EYS: variants seen among roughly 807,000 people sequenced by gnomAD.
EYS encodes the protein EGF-like photoreceptor maintenance factor.
In EYS, 250 loss-of-function variants were observed where a neutral mutation model predicts 282.1. The ratio of observed to expected loss-of-function variants is 0.89; its 90% confidence interval spans 0.80 to 0.98. The LOEUF (loss-of-function observed/expected upper bound fraction) is 0.98. Ranked by LOEUF, EYS falls within the 50% of genes least tolerant of loss-of-function variation. The pLI is 0.00. For missense variants in EYS, 4,016 were observed against 3,709.0 expected (o/e 1.08, Z -2.15); for synonymous variants, 1,355 against 1,282.9 (o/e 1.06, Z -1.20).
rs539218067 is a variant in EYS, at chr6:65,112,232, A to C, written c.2024-54505T>G. On this transcript the variant is annotated intron_variant, in intron 12 of 42. Coordinates refer to ENST00000503581, the MANE Select transcript of EYS (RefSeq NM_001142800.2). Reference sequence around the variant, plus strand: ...GCAAAATGACAACCTAATCACAAAAAATCAAATATAATCTTTTAAATCATT... The same window carrying C: ...GCAAAATGACAACCTAATCACAAAACATCAAATATAATCTTTTAAATCATT... Among the ~76,000 whole-genome samples, 241 of 152,288 alleles carry C rather than the reference A, an allele frequency of 1.6e-3. 1 individual carries two copies. Among genetic ancestry groups the C allele is most frequent in the Middle Eastern group, 3.4e-3 (1 of 294 alleles).
intron 36 of EYS, among the ~76,000 whole-genome samples, chr6:63,841,025 G>A (rs1771942979): frequency 6.6e-6 from 1 of 152,122 alleles, no homozygotes; most frequent in African/African-American, 2.4e-5. Context: ...AACTTAAACA[G>A]ATAATTTCTA....
At chr6:65,419,297 T>A (rs996762536) in intron 5 of EYS, among the ~76,000 whole-genome samples, 1 of 151,924 alleles carries the variant, frequency 6.6e-6, no homozygotes, top group African/African-American at 2.4e-5. Flanking sequence ...AATAGAAATT[T>A]TATAATTTGA....
chr6:65,472,114 G>A (rs1004900823), intron 5 of EYS, among the ~76,000 whole-genome samples: 6 of 152,042 alleles, frequency 3.9e-5, no homozygotes, highest in African/African-American at 1.4e-4. Flanking sequence ...CTTTGAAGGG[G>A]ATCATGTGAT....
chr6:64,880,752 T>C (rs189920418), intron 19 of EYS, among the ~76,000 whole-genome samples: 2 of 149,122 alleles, frequency 1.3e-5, no homozygotes, highest in East Asian at 3.9e-4. Flanking sequence ...TATATCTATA[T>C]ATACATATTT....
At chr6:63,787,602 A>G (rs1472731490) in intron 39 of EYS, among the ~76,000 whole-genome samples, 1 of 151,980 alleles carries the variant, frequency 6.6e-6, no homozygotes, top group African/African-American at 2.4e-5. Flanking sequence ...GAAATCTTTG[A>G]TTTGTTCATT....
At chr6:65,177,497 T>C (rs114357123) in intron 12 of EYS, among the ~76,000 whole-genome samples, 3 of 152,000 alleles carry the variant, frequency 2.0e-5, no homozygotes, top group African/African-American at 7.2e-5. Context: ...TGTTTGTAGT[T>C]TGTAAACACG....
chr6:64,400,901 C>T (rs972222956), intron 28 of EYS, among the ~76,000 whole-genome samples: 2 of 152,016 alleles, frequency 1.3e-5, no homozygotes, highest in Non-Finnish European at 2.9e-5. Context: ...ACTGACATAA[C>T]GGTAATCACT....
chr6:64,790,330 C>G (rs562511848), intron 22 of EYS, among the ~76,000 whole-genome samples: 1 of 151,796 alleles, frequency 6.6e-6, no homozygotes, highest in Non-Finnish European at 1.5e-5. Flanking sequence ...ACATACACCC[C>G]CTGAACCTAA....
At chr6:65,163,710 AT>A (rs1230077706) in intron 12 of EYS, among the ~76,000 whole-genome samples, 1 of 151,226 alleles carries the variant, frequency 6.6e-6, no homozygotes, top group African/African-American at 2.4e-5. Flanking sequence ...TTATTTTTAC[AT>A]TTTTTTAACT....
chr6:65,619,483 A>G (rs1188905808), intron 2 of EYS, among the ~76,000 whole-genome samples: 2 of 152,212 alleles, frequency 1.3e-5, no homozygotes, highest in African/African-American at 2.4e-5. Flanking sequence ...CAGATATACA[A>G]TCATGTCATC....
intron 22 of EYS, among the ~76,000 whole-genome samples, chr6:64,695,344 C>A (rs1770536582): frequency 6.6e-6 from 1 of 152,054 alleles, no homozygotes; most frequent in African/African-American, 2.4e-5. Flanking sequence ...CTGCTGATAC[C>A]AATTCATAAC....
intron 12 of EYS, among the ~76,000 whole-genome samples, chr6:65,202,959 C>T (rs1004355436): frequency 6.6e-6 from 1 of 152,174 alleles, no homozygotes; most frequent in African/African-American, 2.4e-5. Context: ...GTACTTGCAC[C>T]TGCCTCAGAG....
chr6:65,322,459 G>A (rs1769500385), intron 11 of EYS, among the ~76,000 whole-genome samples: 1 of 152,094 alleles, frequency 6.6e-6, no homozygotes, highest in South Asian at 2.1e-4. Flanking sequence ...CACTGGGGCT[G>A]GTTATGCAGC....
intron 10 of EYS, among the ~76,000 whole-genome samples, chr6:65,341,078 C>T (rs1770184131): frequency 1.3e-5 from 2 of 151,126 alleles, no homozygotes; most frequent in Admixed American, 6.6e-5. Flanking sequence ...ATCACTTTTT[C>T]AGGTGAGTCT....
chr6:65,493,775 C>T (rs1469222651), intron 4 of EYS, among the ~76,000 whole-genome samples: 1 of 152,106 alleles, frequency 6.6e-6, no homozygotes, highest in African/African-American at 2.4e-5. Flanking sequence ...CTTATTACAA[C>T]CGTTATTAAT....
chr6:65,331,611 C>A (rs969784354), intron 11 of EYS: 7 of 978,216 alleles, frequency 7.2e-6, no homozygotes, highest in Non-Finnish European at 8.5e-6. Flanking sequence ...CTCTGGATAT[C>A]AAAAAATAAT....
At chr6:64,917,793 T>C (rs1431245612) in intron 15 of EYS, among the ~76,000 whole-genome samples, 1 of 152,202 alleles carries the variant, frequency 6.6e-6, no homozygotes, top group African/African-American at 2.4e-5. Context: ...CATTATGTTA[T>C]ACAACATAAA....
At chr6:65,362,458 T>C (rs1764746289) in intron 8 of EYS, among the ~76,000 whole-genome samples, 2 of 152,042 alleles carry the variant, frequency 1.3e-5, no homozygotes, top group African/African-American at 4.8e-5. Flanking sequence ...TTGACATATA[T>C]GTATTTATGT....
At chr6:64,904,809 T>C (rs1355255771) in intron 16 of EYS, among the ~76,000 whole-genome samples, 1 of 152,152 alleles carries the variant, frequency 6.6e-6, no homozygotes. Context: ...AGGATAACCT[T>C]GTTTCCTGTG....
Sources: gnomAD v4.1 joint callset for allele counts (sites outside exome capture counted in the v4.1 genomes callset) on GRCh38, gnomAD v4.1.1 for gene constraint, MANE v1.5 for transcripts, NCBI Gene and HGNC (gene_info 2026-07-23, HGNC 2026-07-21) for gene names.